The following TLR3 variants were observed in gnomAD, a reference collection of about 807,000 sequenced individuals.
The protein encoded by TLR3 is toll like receptor 3.
A neutral mutation model predicts 66.4 loss-of-function variants in TLR3; 43 were observed. That is an observed-to-expected ratio of 0.65 (90% CI 0.51 to 0.83). The LOEUF (loss-of-function observed/expected upper bound fraction) is 0.83, where lower values mean the gene tolerates loss of function less well. Among genes scored for constraint, TLR3 ranks in the 40% least tolerant of loss-of-function variants. The pLI is 0.00. For missense variants in TLR3, 982 were observed against 1,044.6 expected (o/e 0.94, Z 0.83); for synonymous variants, 397 against 397.2 (o/e 1.00, Z 0.01).
rs2099302912 is a variant in TLR3, at chr4:186,078,862, C to T, written c.464C>T (p.Ser155Phe). 3 of 1,613,942 alleles carry T rather than the reference C, an allele frequency of 1.9e-6. No individual in the cohort carries two copies. The highest frequency in any genetic ancestry group is 1.3e-5 in the African/African-American group (1 of 75,006). Reference protein sequence around the residue: ...KQKNLITLDLSHNGLSSTKLG... With the variant: ...KQKNLITLDLFHNGLSSTKLG... Reference sequence around the variant, plus strand: ...CAGAATTTAATCACATTAGATCTGTCTCATAATGGCTTGTCATCTACAAAA... The same window carrying T: ...CAGAATTTAATCACATTAGATCTGTTTCATAATGGCTTGTCATCTACAAAA... Residue 155 changes from serine to phenylalanine, a missense_variant, in exon 3 of 5, where the codon TCT becomes TTT. Ser to Phe is a radical substitution (Grantham distance 155, BLOSUM62 -2). Around this residue, in one of 3 missense-constraint regions of TLR3, gnomAD observed 313 missense variants for 319.0 expected, o/e 0.98. Transcript: ENST00000296795.
At chr4:186,077,152 G>C (rs1289266291) in intron 2 of TLR3, 92 bp downstream of exon 2, 3 of 1,362,944 alleles carry the variant, frequency 2.2e-6, no homozygotes, top group Non-Finnish European at 3.0e-6. Context: ...TAAAGAGGAA[G>C]AAATTTGATC....
In TLR3 at chr4:186,078,846, A is replaced by G. The variant is rs2099302909; in HGVS notation, c.448A>G (p.Ile150Val). 6.2e-7 allele frequency: 1 copy of G among 1,613,676 alleles called. No individual in the cohort carries two copies. Among genetic ancestry groups the G allele is most frequent in the African/African-American group, 1.3e-5 (1 of 74,920 alleles). ...TATTATTTTTTCCCTTCAGAATTTAATCACATTAGATCTGTCTCATAATGG... is the reference window on the plus strand; with the variant it reads ...TATTATTTTTTCCCTTCAGAATTTAGTCACATTAGATCTGTCTCATAATGG... ...NNPFVKQKNL[I>V]TLDLSHNGLS... The change falls in exon 3 of 5, where the codon ATC becomes GTC. Residue 150 changes from isoleucine (I) to valine (V), a missense_variant. Around this residue, in one of 3 missense-constraint regions of TLR3, gnomAD observed 313 missense variants for 319.0 expected, o/e 0.98. Transcript: ENST00000296795.
chr4:186,081,656 GC>G (rs1286844741), intron 3 of TLR3: 2 of 152,256 alleles, frequency 1.3e-5, no homozygotes, highest in Non-Finnish European at 2.9e-5. Flanking sequence ...GACTTCACGA[GC>G]AGTTTATTCA....
chr4:186,080,126 G>A (rs1028676268), intron 3 of TLR3, among the ~76,000 whole-genome samples: 3 of 151,902 alleles, frequency 2.0e-5, no homozygotes, highest in African/African-American at 7.3e-5. Context: ...AGGTTTGTCT[G>A]TATTTTACAC....
chr4:186,074,085 G>A (rs1042069861), intron 1 of TLR3, among the ~76,000 whole-genome samples: 1 of 152,208 alleles, frequency 6.6e-6, no homozygotes, highest in African/African-American at 2.4e-5. Context: ...GAAAGTTGGT[G>A]GTGCAACACT....
intron 2 of TLR3, 150 bp from the exon 3 acceptor site, chr4:186,078,690 G>T (rs2099302883): frequency 1.5e-5 from 10 of 670,348 alleles, no homozygotes; most frequent in South Asian, 5.8e-5. Flanking sequence ...TCAGATCAAA[G>T]ATTTTTTATT....
rs757231763 is a variant in TLR3 at position 186,084,827 on chromosome 4, G to A, written c.2669G>A (p.Arg890His). 20 of 1,613,802 alleles carry A rather than the reference G, an allele frequency of 1.2e-5. No individual in the cohort carries two copies. The highest frequency in any genetic ancestry group is 6.6e-5 in the South Asian group (6 of 91,006). ...PVQKERIGAF[R>H]HKLQVALGSK... Reference sequence around the variant, plus strand: ...CAGAAAGAACGGATAGGTGCCTTTCGTCATAAATTGCAAGTAGCACTTGGA... The same window carrying A: ...CAGAAAGAACGGATAGGTGCCTTTCATCATAAATTGCAAGTAGCACTTGGA... The change falls in exon 5 of 5, where the codon CGT (arginine) becomes CAT (histidine). Residue 890 changes from arginine (R) to histidine (H), a missense_variant. This residue lies in a region of TLR3 where 666 missense variants were observed against 709.0 expected (regional missense o/e 0.94). Coordinates refer to ENST00000296795, the MANE Select transcript of TLR3 (RefSeq NM_003265.3).
intron 3 of TLR3, 53 bp from the exon 4 acceptor site, chr4:186,082,267 T>G: frequency 1.1e-6 from 1 of 929,948 alleles, no homozygotes; most frequent in South Asian, 1.3e-5. Context: ...TCAACAGCAT[T>G]ACAGAGTCTG....
In TLR3 at chr4:186,072,771, C is replaced by T. The variant is rs921608179; in HGVS notation, c.-8+3523C>T. ...TCCAACACTGGGAATTACAATTCAA[C>T]GTGTGGTGTGGGTGGAGACGCAGAG... On this transcript the variant is annotated intron_variant, in intron 1 of 4. Coordinates refer to ENST00000296795, the MANE Select transcript of TLR3 (RefSeq NM_003265.3). Among the ~76,000 whole-genome samples, 7 of 152,150 alleles carry T rather than the reference C, an allele frequency of 4.6e-5. 1 individual carries two copies. The highest frequency in any genetic ancestry group is 6.3e-3 in the Middle Eastern group (2 of 316).
At chr4:186,072,675 C>A (rs752415484) in intron 1 of TLR3, among the ~76,000 whole-genome samples, 1 of 152,102 alleles carries the variant, frequency 6.6e-6, no homozygotes, top group Non-Finnish European at 1.5e-5. Context: ...AGAACAGCAC[C>A]GAGGGGGTGG....
intron 3 of TLR3, 69 bp from the exon 4 acceptor site, chr4:186,082,251 A>AAAAAAAAAAAAAT: frequency 1.2e-6 from 1 of 852,254 alleles, no homozygotes; most frequent in East Asian, 2.6e-5. Flanking sequence ...AAAAAAAAAA[A>AAAAAAAAAAAAAT]GGCTTTCAAC....
intron 3 of TLR3, among the ~76,000 whole-genome samples, chr4:186,079,606 A>G (rs1579728797): frequency 6.6e-6 from 1 of 152,128 alleles, no homozygotes; most frequent in Admixed American, 6.5e-5. Context: ...GGTTATAAAA[A>G]CCTTCCTATA....
At chr4:186,075,720 C>T (rs2099302332) in intron 1 of TLR3, among the ~76,000 whole-genome samples, 1 of 151,952 alleles carries the variant, frequency 6.6e-6, no homozygotes, top group Admixed American at 6.6e-5. Context: ...GGCCAAGGAC[C>T]TCATATGTAA....
chr4:186,071,200 T>C (rs2099301409), intron 1 of TLR3, among the ~76,000 whole-genome samples: 1 of 152,174 alleles, frequency 6.6e-6, no homozygotes, highest in Non-Finnish European at 1.5e-5. Flanking sequence ...TTTGTTCCTC[T>C]TTCACTCCTC....
chr4:186,084,876 T>G lies in TLR3; in HGVS notation c.*3T>G. 11 of 1,606,218 alleles carry G rather than the reference T, an allele frequency of 6.8e-6. No homozygotes were observed. Among genetic ancestry groups the G allele is most frequent in the Non-Finnish European group, 9.4e-6 (11 of 1,173,670 alleles). ...GATCCAAAAACTCTGTACATTAAAT[T>G]TATTTAAATATTCAATTAGCAAAGG... On this transcript the variant is annotated 3_prime_UTR_variant, in exon 5 of 5. Transcript: ENST00000296795.
intron 1 of TLR3, 77 bp downstream of exon 1, chr4:186,069,325 T>G (rs1186305331): frequency 6.6e-6 from 1 of 152,224 alleles, no homozygotes; most frequent in African/African-American, 2.4e-5. Context: ...GCAGAATGCA[T>G]GTGGTTTTAG....
At position 186,076,973 on chromosome 4, in the gene TLR3, C is replaced by T. The variant is rs2099302555; in HGVS notation, c.354C>T (p.Thr118=). The change falls in exon 2 of 5, where the codon ACC becomes ACT. Residue 118 remains threonine (T), a synonymous_variant. Transcript: ENST00000296795. ...AGCTATCTCAACTTTCTGATAAAAC[C>T]TTTGCCTTCTGCACGAATTTGACTG... is the stretch of plus-strand genomic sequence containing the variant. ...HNELSQLSDK[T]FAFCTNLTEL... The T allele has an allele frequency of 6.2e-7, 1 of 1,614,128 alleles. No individual in the cohort carries two copies. Among genetic ancestry groups the T allele is most frequent in the Non-Finnish European group, 8.5e-7 (1 of 1,180,026 alleles).
At position 186,076,550 on chromosome 4, in the gene TLR3, A is replaced by G. The variant is rs2099302487; in HGVS notation, c.-7-63A>G. ...TGATATATTTTACAAGGAATATACC[A>G]ATGCATTTGAAAGCCATCTGCTATT... On this transcript the variant is annotated intron_variant, in intron 1 of 4. Coordinates refer to ENST00000296795, the MANE Select transcript of TLR3 (RefSeq NM_003265.3). The G allele has an allele frequency of 9.6e-6, 14 of 1,451,928 alleles. No homozygotes were observed. In the South Asian group the frequency reaches 1.6e-4, roughly 17 times the overall value. 89.9% of individuals were successfully genotyped at this position (1,451,928 alleles called of 1,614,324 possible). A position where few individuals can be genotyped will look rare whatever the true frequency, so the allele number is the denominator to read the frequency against.
At chr4:186,084,559 T>G in intron 4 of TLR3, 86 bp from the exon 5 acceptor site, 1 of 938,468 alleles carries the variant, frequency 1.1e-6, no homozygotes, top group Non-Finnish European at 1.6e-6. Context: ...CAGTAACAGT[T>G]TAAACTCTAC....
Sources: allele counts gnomAD v4.1 joint callset (sites outside exome capture counted in the v4.1 genomes callset), GRCh38; gene constraint gnomAD v4.1.1; regional missense constraint gnomAD v4.1.1; transcripts MANE v1.5; gene names NCBI Gene and HGNC (gene_info 2026-07-23, HGNC 2026-07-21).